MGST1: variants seen among roughly 807,000 people sequenced by gnomAD.
MGST1 encodes the protein glutathione S-transferase 12.
Under a neutral mutation model 8.9 loss-of-function variants are expected in MGST1, and 5 were observed. The ratio of observed to expected loss-of-function variants is 0.56; its 90% CI spans 0.29 to 1.19. The LOEUF is 1.19. Ranked by LOEUF, MGST1 falls within the 50% of genes most tolerant of loss-of-function variation. The probability of loss-of-function intolerance (pLI) is 0.08; values close to 1 mark genes in which losing one functional copy is unlikely to be tolerated. For synonymous variants in MGST1, 54 were observed against 67.8 expected (o/e 0.80, Z 1.00); for missense variants, 182 against 187.4 (o/e 0.97, Z 0.17).
At chr12:16,368,003 A>G (rs1390457787), downstream of MGST1, among the ~76,000 whole-genome samples, 8 of 151,654 alleles carry the variant, frequency 5.3e-5, no homozygotes, top group African/African-American at 1.9e-4. Context: ...CTTGGATCTA[A>G]CCAATCAGGA....
chr12:16,443,266 AT>A (rs1197173255), downstream of MGST1, among the ~76,000 whole-genome samples: 1 of 151,796 alleles, frequency 6.6e-6, no homozygotes, highest in African/African-American at 2.4e-5. Flanking sequence ...TTTTTTGAAA[AT>A]AACATATAAT....
chr12:16,521,697 A>G (rs7301074), intron 4 of MGST1, among the ~76,000 whole-genome samples: 23,415 of 152,134 alleles, frequency 0.15, 1,914 homozygotes, highest in East Asian at 0.28. Context: ...CCCTTTGACG[A>G]TGAGAATTAA....
At chr12:16,502,639 C>T (rs185528023) in intron 4 of MGST1, among the ~76,000 whole-genome samples, 40 of 152,142 alleles carry the variant, frequency 2.6e-4, no homozygotes, top group Admixed American at 2.1e-3. Context: ...ATTTTAAGTA[C>T]GTATCAAAAA....
At chr12:16,462,992 T>C (rs1359057116) in intron 4 of MGST1, among the ~76,000 whole-genome samples, 1 of 152,190 alleles carries the variant, frequency 6.6e-6, no homozygotes, top group Non-Finnish European at 1.5e-5. Flanking sequence ...ATGTCTTCTT[T>C]GTTCTCTCCC....
Position 16,482,998 on chromosome 12 carries a change from T to G in MGST1, n.482+99394T>G, listed in dbSNP as rs949089996. On this transcript the variant is annotated intron_variant and non_coding_transcript_variant, in intron 4 of 4. Transcript: ENST00000538857. The surrounding 1 kb of genome is among the most constrained non-coding windows in gnomAD (Gnocchi z 4.2). ...TTACTTTTGGAAGGGATCCATTCTG[T>G]CATAAAAAACAGCTTTATGTGGATA... Among the ~76,000 whole-genome samples the G allele has an allele frequency of 5.3e-5, 8 of 152,194 alleles. No homozygotes were observed. The highest frequency in any genetic ancestry group is 1.0e-4 in the Non-Finnish European group (7 of 68,012).
intron 2 of MGST1, 84 bp from the exon 3 acceptor site, chr12:16,357,521 C>G (rs9332917): frequency 0.055 from 56,630 of 1,023,464 alleles, 1,819 homozygotes; most frequent in South Asian, 0.073. Context: ...CTGCCTCAGC[C>G]TCACAAAGCG....
At chr12:16,448,997 G>C (rs1161984012) in intron 4 of MGST1, among the ~76,000 whole-genome samples, 1 of 151,848 alleles carries the variant, frequency 6.6e-6, no homozygotes, top group Non-Finnish European at 1.5e-5. Flanking sequence ...TAAAAATGTT[G>C]GTAATTTTAA....
rs1219439158 is a variant in MGST1 at position 16,391,116 on chromosome 12, A to ATGTCTATG, written n.778+7514_778+7521dup. Among the ~76,000 whole-genome samples, 7 of 148,742 alleles carry ATGTCTATG rather than the reference A, an allele frequency of 4.7e-5. No homozygotes were observed. The South Asian group carries it at 8.6e-4, about 18-fold the overall frequency. On this transcript the variant is annotated intron_variant and non_coding_transcript_variant, in intron 1 of 1. Coordinates refer to the MGST1 transcript ENST00000359720. ...CCAGATGTATGTCTTCTTTTGGAAA[A>ATGTCTATG]TGTCTATGTCCTTTGCCCACTTCTT...
chr12:16,589,284 TG>T lies in MGST1; in HGVS notation n.483-243del. 6.6e-6 allele frequency among the ~76,000 whole-genome samples: 1 copy of T among 152,118 alleles called. No homozygotes were observed. Among genetic ancestry groups the T allele is most frequent in the East Asian group, 1.9e-4 (1 of 5,182 alleles). ...GAATACATAAGTTATCTGCCACTGATGATCATTGATGGAGAAGGGGCAATAC... is the reference window on the plus strand; with the variant it reads ...GAATACATAAGTTATCTGCCACTGATATCATTGATGGAGAAGGGGCAATAC... On this transcript the variant is annotated intron_variant and non_coding_transcript_variant, in intron 4 of 4. Coordinates refer to the MGST1 transcript ENST00000538857. The surrounding 1 kb of genome is among the most constrained non-coding windows in gnomAD (Gnocchi z 4.2).
chr12:16,432,255 G>C (rs571224063), intron 1 of MGST1, among the ~76,000 whole-genome samples: 73 of 152,234 alleles, frequency 4.8e-4, no homozygotes, highest in African/African-American at 1.7e-3. Flanking sequence ...AGGCAGTCCA[G>C]AGTACCTACA....
chr12:16,427,000 A>G (rs557649972), intron 1 of MGST1, among the ~76,000 whole-genome samples: 60 of 151,964 alleles, frequency 3.9e-4, no homozygotes, highest in African/African-American at 1.3e-3. Flanking sequence ...TGAACAAAAC[A>G]GAATTATATT....
chr12:16,566,276 A>C (rs1375533834), intron 4 of MGST1, among the ~76,000 whole-genome samples: 1 of 151,488 alleles, frequency 6.6e-6, no homozygotes, highest in Non-Finnish European at 1.5e-5. Context: ...AAGGGGAGAG[A>C]TTGGTCAATG....
rs927874413 is a variant in MGST1 at position 16,537,586 on chromosome 12, G to T, written n.483-51942G>T. On this transcript the variant is annotated intron_variant and non_coding_transcript_variant, in intron 4 of 4. Coordinates refer to the MGST1 transcript ENST00000538857. The surrounding 1 kb of genome is among the most constrained non-coding windows in gnomAD (Gnocchi z 4.6). ...AGCACACTTTTGCCTGGACATTCAG[G>T]CATTTCCATACATACATTGAAATCT... Among the ~76,000 whole-genome samples, 1 of 152,182 alleles carries T rather than the reference G, an allele frequency of 6.6e-6. No individual in the cohort carries two copies. Among genetic ancestry groups the T allele is most frequent in the Non-Finnish European group, 1.5e-5 (1 of 68,018 alleles).
intron 4 of MGST1, among the ~76,000 whole-genome samples, chr12:16,451,336 A>C (rs557883521): frequency 1.1e-4 from 17 of 152,018 alleles, no homozygotes; most frequent in Non-Finnish European, 2.1e-4. Flanking sequence ...AGTGGTATGC[A>C]TAGGGGGGTT....
At chr12:16,415,308 T>C (rs1415424246) in intron 1 of MGST1, among the ~76,000 whole-genome samples, 1 of 152,244 alleles carries the variant, frequency 6.6e-6, no homozygotes, top group Non-Finnish European at 1.5e-5. Flanking sequence ...AGGGGTACAT[T>C]GTGAATTACA....
chr12:16,356,204 C>T (rs1432138692), intron 2 of MGST1, among the ~76,000 whole-genome samples: 1 of 152,166 alleles, frequency 6.6e-6, no homozygotes, highest in African/African-American at 2.4e-5. Flanking sequence ...ACATTCAGTC[C>T]TTAGCAATAG....
At position 16,364,087 on chromosome 12, in the gene MGST1, G is replaced by A. The variant is rs773846175; in HGVS notation, c.*46G>A. On this transcript the variant is annotated 3_prime_UTR_variant, in exon 4 of 4. Coordinates refer to ENST00000396210, the MANE Select transcript of MGST1 (RefSeq NM_020300.5). The surrounding 1 kb of genome is among the most constrained non-coding windows in gnomAD (Gnocchi z 5.7). ...ATCCAGTTGGCTTTTTAAGAATTCT[G>A]TACTTCCAATTTATAATGAATACTT... is the stretch of plus-strand genomic sequence containing the variant. 6.5e-7 allele frequency: 1 copy of A among 1,535,210 alleles called. No homozygotes were observed.
Position 16,354,369 on chromosome 12 carries a change from G to T in MGST1, c.117G>T (p.Leu39Phe), listed in dbSNP as rs201525226. 7.5e-6 allele frequency: 12 copies of T among 1,589,584 alleles called. No individual in the cohort carries two copies. Among genetic ancestry groups the T allele is most frequent in the South Asian group, 1.2e-5 (1 of 83,772 alleles). ...LMSTATAFYR[L>F]TRKVFANPED... ...GTACTGCAACTGCATTCTATAGATT[G>T]ACAAGAAAGGTAAGAAATTTGGAGG... Residue 39 changes from leucine (L) to phenylalanine (F), a missense_variant, in exon 2 of 4, where the codon TTG becomes TTT. By Grantham distance (22) the Leu-to-Phe change is conservative. Coordinates refer to ENST00000396210, the MANE Select transcript of MGST1 (RefSeq NM_020300.5).
At chr12:16,446,432 C>T (rs1453736234) in intron 4 of MGST1, among the ~76,000 whole-genome samples, 1 of 151,926 alleles carries the variant, frequency 6.6e-6, no homozygotes, top group Non-Finnish European at 1.5e-5. Context: ...AGGTCGCCAT[C>T]TTCAGCCTCT....
Sources: allele counts gnomAD v4.1 joint callset (sites outside exome capture counted in the v4.1 genomes callset), GRCh38; gene constraint gnomAD v4.1.1; non-coding constraint Gnocchi (gnomAD v3.1); transcripts MANE v1.5; gene names NCBI Gene and HGNC (gene_info 2026-07-23, HGNC 2026-07-21).